The following ATE1 variants were observed in gnomAD, a reference collection of about 807,000 sequenced individuals.
ATE1 encodes arginyl-tRNA--protein transferase 1.
A neutral mutation model predicts 70.5 loss-of-function variants in ATE1; 36 were observed. The ratio of observed to expected loss-of-function variants is 0.51; its 90% CI spans 0.39 to 0.67. ATE1 has a LOEUF of 0.67. ATE1 is among the 30% of genes least tolerant of loss of function. The probability of loss-of-function intolerance (pLI) is 0.00; values close to 1 mark genes in which losing one functional copy is unlikely to be tolerated. For missense variants in ATE1, 593 were observed against 629.5 expected (o/e 0.94, Z 0.62); for synonymous variants, 232 against 219.3 (o/e 1.06, Z -0.51).
intron 11 of ATE1, among the ~76,000 whole-genome samples, chr10:121,777,404 G>A (rs1016834278): frequency 1.3e-5 from 2 of 151,790 alleles, no homozygotes; most frequent in Admixed American, 6.6e-5. Flanking sequence ...AGATTTGAGC[G>A]ATTCTAAGAA....
At chr10:121,814,380 C>T (rs1947451605) in intron 10 of ATE1, among the ~76,000 whole-genome samples, 1 of 152,130 alleles carries the variant, frequency 6.6e-6, no homozygotes, top group African/African-American at 2.4e-5. Flanking sequence ...CAAAATGATT[C>T]GCACACAATG....
chr10:121,796,101 A>G (rs1270508686), intron 10 of ATE1, among the ~76,000 whole-genome samples: 3 of 152,076 alleles, frequency 2.0e-5, no homozygotes, highest in Admixed American at 6.6e-5. Flanking sequence ...CTTCTCTCAC[A>G]GTTTTTTGGA....
chr10:121,794,585 G>C (rs1222193549), intron 10 of ATE1, among the ~76,000 whole-genome samples: 1 of 110,918 alleles, frequency 9.0e-6, no homozygotes, highest in African/African-American at 3.5e-5. Context: ...CTGCACTCCA[G>C]ATCAGGTGAC....
chr10:121,845,157 A>G (rs1467404431), intron 8 of ATE1, among the ~76,000 whole-genome samples: 2 of 152,294 alleles, frequency 1.3e-5, no homozygotes, highest in Admixed American at 1.3e-4. Context: ...CTTTATTGCA[A>G]TGGTCTGGAA....
chr10:121,913,635 T>TG (rs1951530540), intron 4 of ATE1, among the ~76,000 whole-genome samples, 155 bp downstream of exon 4: 1 of 152,220 alleles, frequency 6.6e-6, no homozygotes, highest in African/African-American at 2.4e-5. Flanking sequence ...TGGGGGCCGA[T>TG]GGTAACAGTA....
At chr10:121,840,045 T>C (rs1214410865) in intron 9 of ATE1, among the ~76,000 whole-genome samples, 1 of 151,726 alleles carries the variant, frequency 6.6e-6, no homozygotes, top group African/African-American at 2.4e-5. Flanking sequence ...AAAAGAAAAA[T>C]AGTTCCCAAC....
At chr10:121,888,468 C>T (rs561731436) in intron 7 of ATE1, among the ~76,000 whole-genome samples, 1 of 152,224 alleles carries the variant, frequency 6.6e-6, no homozygotes, top group South Asian at 2.1e-4. Flanking sequence ...AACCAAGTGA[C>T]AACAGACTTA....
intron 8 of ATE1, among the ~76,000 whole-genome samples, chr10:121,853,742 A>G (rs1949142731): frequency 6.6e-6 from 1 of 152,200 alleles, no homozygotes; most frequent in African/African-American, 2.4e-5. Context: ...CCAGGCTGCT[A>G]TAACAATATA....
intron 8 of ATE1, among the ~76,000 whole-genome samples, chr10:121,856,882 G>T (rs192069488): frequency 6.6e-6 from 1 of 152,272 alleles, no homozygotes; most frequent in African/African-American, 2.4e-5. Context: ...TTTCTAAAGA[G>T]AATAGTTCAA....
rs1948449272 is a variant in ATE1 at position 121,836,796 on chromosome 10, C to T, written c.1179G>A (p.Gln393=). 3.1e-6 allele frequency: 5 copies of T among 1,602,534 alleles called. No homozygotes were observed. Among genetic ancestry groups the T allele is most frequent in the African/African-American group, 1.3e-5 (1 of 74,378 alleles). Residue 393 remains glutamine (Q), a synonymous_variant, in exon 10 of 12, where the codon CAG becomes CAA. Coordinates refer to ENST00000224652, the MANE Select transcript of ATE1 (RefSeq NM_001001976.3). ...SALREIAFTR[Q]LHEKTSQLSY... is the part of the protein sequence containing the mutation. The stretch of plus-strand genomic sequence containing the variant: ...TGAGTTGAGAAGTTTTCTCATGAAG[C>T]TGCCTAGTAAAAGCAATTTCTCTGC...
At chr10:121,855,817 G>A (rs748248435) in intron 8 of ATE1, among the ~76,000 whole-genome samples, 5 of 152,178 alleles carry the variant, frequency 3.3e-5, no homozygotes, top group Admixed American at 2.0e-4. Context: ...GCTCACACCT[G>A]TAATCCCAGC....
At chr10:121,893,682 T>A (rs1303555101) in intron 7 of ATE1, among the ~76,000 whole-genome samples, 2 of 152,040 alleles carry the variant, frequency 1.3e-5, no homozygotes, top group African/African-American at 2.4e-5. Flanking sequence ...AAATCTGAAG[T>A]CAATTGTGTA....
At chr10:121,874,829 C>A (rs1044817395) in intron 7 of ATE1, among the ~76,000 whole-genome samples, 1 of 151,822 alleles carries the variant, frequency 6.6e-6, no homozygotes, top group Admixed American at 6.6e-5. Context: ...CACGGTGAAA[C>A]CCCGTCTCTA....
At chr10:121,923,704 A>G (rs1951971329) in intron 2 of ATE1, among the ~76,000 whole-genome samples, 3 of 152,220 alleles carry the variant, frequency 2.0e-5, no homozygotes, top group African/African-American at 4.8e-5. Flanking sequence ...CCACATAAAA[A>G]TAACTACTCA....
intron 11 of ATE1, among the ~76,000 whole-genome samples, chr10:121,769,288 T>C (rs998166131): frequency 1.1e-4 from 17 of 152,148 alleles, no homozygotes; most frequent in African/African-American, 3.6e-4. Flanking sequence ...AAGTAATTCA[T>C]GAAGGAAGAG....
At position 121,743,441 on chromosome 10, in the gene ATE1, C is replaced by T; in HGVS notation, c.*239G>A. The stretch of plus-strand genomic sequence containing the variant: ...CGTATCTTGCTCTAGAAAGAATCCT[C>T]CAAAATGATAAATCCCAATTATGGG... On this transcript the variant is annotated 3_prime_UTR_variant, in exon 12 of 12. Coordinates refer to ENST00000224652, the MANE Select transcript of ATE1 (RefSeq NM_001001976.3). 1 of 725,438 alleles carries T rather than the reference C, an allele frequency of 1.4e-6. No individual in the cohort carries two copies. The highest frequency in any genetic ancestry group is 1.8e-6 in the Non-Finnish European group (1 of 541,296). 44.9% of individuals were successfully genotyped at this position (725,438 alleles called of 1,614,324 possible). A position where few individuals can be genotyped will look rare whatever the true frequency, so the allele number is the denominator to read the frequency against.
intron 9 of ATE1, among the ~76,000 whole-genome samples, chr10:121,839,970 A>G (rs188828803): frequency 4.4e-4 from 67 of 152,336 alleles, no homozygotes; most frequent in African/African-American, 1.6e-3. Flanking sequence ...TGAGAGATGA[A>G]AAGAGAAAAG....
intron 10 of ATE1, among the ~76,000 whole-genome samples, chr10:121,805,484 G>T (rs1383291137): frequency 1.4e-4 from 22 of 152,110 alleles, no homozygotes; most frequent in Admixed American, 1.3e-3. Context: ...CTATTTTACA[G>T]ATAAAGAGAT....
At chr10:121,784,854 A>C (rs971169617) in intron 11 of ATE1, among the ~76,000 whole-genome samples, 1 of 152,132 alleles carries the variant, frequency 6.6e-6, no homozygotes, top group Non-Finnish European at 1.5e-5. Flanking sequence ...GCAAGACTCC[A>C]TCACAAAAAA....
Sources: gnomAD v4.1 joint callset for allele counts (sites outside exome capture counted in the v4.1 genomes callset) on GRCh38, gnomAD v4.1.1 for gene constraint, MANE v1.5 for transcripts, NCBI Gene and HGNC (gene_info 2026-07-23, HGNC 2026-07-21) for gene names.